The following NOTCH4 variants were observed in gnomAD, a reference collection of about 807,000 sequenced individuals.
NOTCH4 encodes the protein neurogenic locus notch homolog protein 4.
In NOTCH4, 138 loss-of-function variants were observed where a neutral mutation model predicts 189.0. The ratio of observed to expected loss-of-function variants is 0.73; its 90% confidence interval spans 0.64 to 0.84. The LOEUF is 0.84. Among genes scored for constraint, NOTCH4 ranks in the 40% least tolerant of loss-of-function variants. The probability of loss-of-function intolerance (pLI) is 0.00; values close to 1 mark genes in which losing one functional copy is unlikely to be tolerated. For synonymous variants in NOTCH4, 942 were observed against 1,032.8 expected, an observed-to-expected ratio of 0.91 and a Z score of 1.69; for missense variants, 2,286 against 2,605.4, an observed-to-expected ratio of 0.88 and a Z score of 2.67.
chr6:32,197,627 A>C (rs765856680), intron 26 of NOTCH4, 33 bp from the exon 27 acceptor site: 3 of 1,566,374 alleles, frequency 1.9e-6, no homozygotes, highest in Non-Finnish European at 2.6e-6. Flanking sequence ...GGTCAATCTA[A>C]AGGACACAAC....
Position 32,202,235 on chromosome 6 carries a change from T to C in NOTCH4, c.3596A>G (p.Asp1199Gly). 1 of 1,561,244 alleles carries C rather than the reference T, an allele frequency of 6.4e-7. No homozygotes were observed. The highest frequency in any genetic ancestry group is 1.4e-5 in the African/African-American group (1 of 73,502). Residue 1199 changes from aspartate to glycine, a missense_variant, in exon 21 of 30, where the codon GAT becomes GGT. By Grantham distance (94) the Asp-to-Gly change is moderately conservative. Coordinates refer to ENST00000375023, the MANE Select transcript of NOTCH4 (RefSeq NM_004557.4). The surrounding 1 kb of genome is among the most constrained non-coding windows in gnomAD (Gnocchi z 5.7). ...AGCSGPGGNW[D>G]GGDCSLGVPD... The stretch of plus-strand genomic sequence containing the variant: ...GACTCCCAGAGAGCAGTCCCCTCCA[T>C]CCCAGTTTCCTCCCGGGCCACTGCA...
At position 32,201,186 on chromosome 6, in the gene NOTCH4, G is replaced by C. The variant is rs138132429; in HGVS notation, c.4070C>G (p.Pro1357Arg). 6.8e-6 allele frequency: 11 copies of C among 1,612,920 alleles called. No individual in the cohort carries two copies. In the African/African-American group the frequency reaches 1.5e-4, roughly 21 times the overall value. Residue 1357 changes from proline to arginine, a missense_variant, in exon 22 of 30, where the codon CCC becomes CGC. By Grantham distance (103) the Pro-to-Arg change is moderately radical. Around this residue, in one of 2 missense-constraint regions of NOTCH4, gnomAD observed 1,903 missense variants for 2,261.9 expected, o/e 0.84. Transcript: ENST00000375023. This position sits in a 1 kb window ranked among gnomAD's most constrained non-coding sequence, Gnocchi z 5.5. ...AGGGGCTGCTCTCTCCTGATAGGTG[G>C]GGTCCCGAGTTCCTCCTAGCTTTTC... is the stretch of plus-strand genomic sequence containing the variant. ...AEEKLGGTRD[P>R]TYQERAAPQT...
chr6:32,214,068 G>T (rs770545789), intron 13 of NOTCH4, 42 bp downstream of exon 13: 7 of 1,577,978 alleles, frequency 4.4e-6, no homozygotes, highest in Non-Finnish European at 6.0e-6. Flanking sequence ...TGACATAGGG[G>T]GTGACCAGCA....
Position 32,197,580 on chromosome 6 carries a change from G to A in NOTCH4, c.4771C>T (p.Leu1591=). The A allele has an allele frequency of 6.2e-7, 1 of 1,611,172 alleles. No individual in the cohort carries two copies. Among genetic ancestry groups the A allele is most frequent in the Non-Finnish European group, 8.5e-7 (1 of 1,178,660 alleles). Residue 1591 remains leucine (L), a synonymous_variant, in exon 27 of 30, where the codon CTG becomes TTG. Transcript: ENST00000375023. ...DTRGPDGVTP[L]MSAVCCGEVQ... ...TCCCCACAGCAAACTGCTGACATCAGGGGTGTCACCCCATCTGTTGGTAAG... is the reference window on the plus strand; with the variant it reads ...TCCCCACAGCAAACTGCTGACATCAAGGGTGTCACCCCATCTGTTGGTAAG...
Position 32,199,011 on chromosome 6 carries a change from G to A in NOTCH4, c.4450C>T (p.Pro1484Ser), listed in dbSNP as rs2127463263. ...CGAGGCCGTCGAGTGAAACCAGGGG[G>A]CAGCCAGAGAGCTCCATGCTCTCGG... ...RRREHGALWL[P>S]PGFTRRPRTQ... Residue 1484 changes from proline (P) to serine (S), a missense_variant, in exon 24 of 30, where the codon CCC (proline) becomes TCC (serine). By Grantham distance (74) the Pro-to-Ser change is moderately conservative. Around this residue, in one of 2 missense-constraint regions of NOTCH4, gnomAD observed 1,903 missense variants for 2,261.9 expected, o/e 0.84. Coordinates refer to ENST00000375023, the MANE Select transcript of NOTCH4 (RefSeq NM_004557.4). This position sits in a 1 kb window ranked among gnomAD's most constrained non-coding sequence, Gnocchi z 4.9. 6.2e-7 allele frequency: 1 copy of A among 1,612,394 alleles called. No individual in the cohort carries two copies. Among genetic ancestry groups the A allele is most frequent in the Non-Finnish European group, 8.5e-7 (1 of 1,179,688 alleles).
Position 32,201,746 on chromosome 6 carries a change from G to C in NOTCH4, c.3756-246C>G, listed in dbSNP as rs761246122. On this transcript the variant is annotated intron_variant, in intron 21 of 29. Transcript: ENST00000375023. The surrounding 1 kb of genome is among the most constrained non-coding windows in gnomAD (Gnocchi z 5.5). ...CAAGCTCTCCTCTGTTTCTAAAGGAGAGTCCCAGGCCCTTTTCCCTCTGTG... is the reference window on the plus strand; with the variant it reads ...CAAGCTCTCCTCTGTTTCTAAAGGACAGTCCCAGGCCCTTTTCCCTCTGTG... 4.8e-6 allele frequency: 2 copies of C among 417,786 alleles called. No individual in the cohort carries two copies. Among genetic ancestry groups the C allele is most frequent in the Non-Finnish European group, 8.3e-6 (2 of 240,528 alleles). The allele number at this position is 417,786 out of a possible 1,614,324, so 25.9% of individuals were successfully genotyped here. A position where few individuals can be genotyped will look rare whatever the true frequency, so the allele number is the denominator to read the frequency against.
At position 32,196,317 on chromosome 6, in the gene NOTCH4, A is replaced by T; in HGVS notation, c.5298+7T>A. On this transcript the variant is annotated splice_region_variant and intron_variant, in intron 29 of 29. Coordinates refer to ENST00000375023, the MANE Select transcript of NOTCH4 (RefSeq NM_004557.4). The stretch of plus-strand genomic sequence containing the variant: ...TGTTTTGTGGGAAGCCCTCTGTCCC[A>T]TCTAACCCTGTTGTCCTGGGCATCT... The T allele has an allele frequency of 6.2e-7, 1 of 1,613,112 alleles. No homozygotes were observed. Among genetic ancestry groups the T allele is most frequent in the Non-Finnish European group, 8.5e-7 (1 of 1,180,038 alleles).
intron 18 of NOTCH4, among the ~76,000 whole-genome samples, chr6:32,206,001 C>T (rs183637555): frequency 1.3e-5 from 2 of 151,824 alleles, no homozygotes; most frequent in East Asian, 4.0e-4. Flanking sequence ...TGCACCACTA[C>T]ATTCCAGCCT....
At chr6:32,196,824 T>A in intron 28 of NOTCH4, 101 bp downstream of exon 28, 1 of 1,410,660 alleles carries the variant, frequency 7.1e-7, no homozygotes, top group South Asian at 1.2e-5. Flanking sequence ...AACAGCAGGA[T>A]GAGAGGGAAT....
chr6:32,223,168 T>C (rs1789901884), intron 1 of NOTCH4, 82 bp from the exon 2 acceptor site: 1 of 1,016,828 alleles, frequency 9.8e-7, no homozygotes, highest in Non-Finnish European at 1.6e-6. Context: ...CTGAGAGACC[T>C]GCCCACAGCA....
In NOTCH4 at chr6:32,202,275, C is replaced by T. The variant is rs2127467074; in HGVS notation, c.3556G>A (p.Ala1186Thr). The change falls in exon 21 of 30, where the codon GCC becomes ACC. Residue 1186 changes from alanine to threonine, a missense_variant. Physicochemically the swap from Ala to Thr is moderately conservative, Grantham distance 58 (BLOSUM62 0). Around this residue, in one of 2 missense-constraint regions of NOTCH4, gnomAD observed 1,903 missense variants for 2,261.9 expected, o/e 0.84. Coordinates refer to ENST00000375023, the MANE Select transcript of NOTCH4 (RefSeq NM_004557.4). This position sits in a 1 kb window ranked among gnomAD's most constrained non-coding sequence, Gnocchi z 5.7. ...KGCEGRSGDG[A>T]CDAGCSGPGG... ...GGGCCACTGCAGCCAGCATCGCAGG[C>T]CCCATCTCCACTTCTGCCCTCACAC... 6 of 1,596,138 alleles carry T rather than the reference C, an allele frequency of 3.8e-6. No individual in the cohort carries two copies. The highest frequency in any genetic ancestry group is 5.1e-6 in the Non-Finnish European group (6 of 1,167,804).
chr6:32,217,407 G>C lies in NOTCH4; in HGVS notation c.1625-141C>G, dbSNP rs985894788. On this transcript the variant is annotated intron_variant, in intron 9 of 29. Coordinates refer to ENST00000375023, the MANE Select transcript of NOTCH4 (RefSeq NM_004557.4). The surrounding 1 kb of genome is among the most constrained non-coding windows in gnomAD (Gnocchi z 4.2). ...GGGGCAGGTGAGCGTGGGGTGACAG[G>C]AGATGATGCAGAAAAGGTGAAGCTC... is the stretch of plus-strand genomic sequence containing the variant. The C allele has an allele frequency of 4.8e-6, 3 of 622,212 alleles. No individual in the cohort carries two copies. The African/African-American group carries it at 5.5e-5, about 11-fold the overall frequency. 38.5% of individuals were successfully genotyped at this position (622,212 alleles called of 1,614,324 possible).
intron 18 of NOTCH4, among the ~76,000 whole-genome samples, chr6:32,204,636 C>T (rs950794905): frequency 6.6e-6 from 1 of 152,230 alleles, no homozygotes; most frequent in Non-Finnish European, 1.5e-5. Context: ...TGCCACCAAA[C>T]ACAGCACCAT....
chr6:32,203,478 G>C (rs1002381828), intron 20 of NOTCH4: 6 of 452,066 alleles, frequency 1.3e-5, no homozygotes, highest in Admixed American at 4.0e-5. Flanking sequence ...AACACACACA[G>C]AGTTAAAATA....
chr6:32,222,403 G>A, intron 3 of NOTCH4, 108 bp downstream of exon 3: 2 of 995,138 alleles, frequency 2.0e-6, no homozygotes, highest in Non-Finnish European at 2.8e-6. Context: ...CATGGCTTCT[G>A]TCTTCAAAGG....
rs907976863 is a variant in NOTCH4, at chr6:32,213,698, G to A, written c.2310C>T (p.Tyr770=). Residue 770 remains tyrosine, a synonymous_variant, in exon 14 of 30, where the codon TAC becomes TAT. Transcript: ENST00000375023. ...TGPQCQTSTD[Y]CVSAPCFNGG... is the part of the protein sequence containing the mutation. Reference sequence around the variant, plus strand: ...ACAGTGGGCACTCACCAGACACACAGTAGTCAGTGCTGGTTTGGCACTGGG... The same window carrying A: ...ACAGTGGGCACTCACCAGACACACAATAGTCAGTGCTGGTTTGGCACTGGG... The A allele has an allele frequency of 6.2e-7, 1 of 1,612,976 alleles. No homozygotes were observed. The highest frequency in any genetic ancestry group is 1.7e-5 in the Admixed American group (1 of 60,016).
intron 18 of NOTCH4, 105 bp from the exon 19 acceptor site, chr6:32,204,494 A>C: frequency 1.3e-4 from 169 of 1,255,974 alleles, no homozygotes; most frequent in Non-Finnish European, 1.7e-4. Flanking sequence ...CTTCCAGCTC[A>C]ACAGCATCAC....
rs1788431777 is a variant in NOTCH4, at chr6:32,202,670, T to C, written c.3232-71A>G. 1 of 1,417,264 alleles carries C rather than the reference T, an allele frequency of 7.1e-7. No individual in the cohort carries two copies. The highest frequency in any genetic ancestry group is 9.4e-7 in the Non-Finnish European group (1 of 1,064,428). The allele number at this position is 1,417,264 out of a possible 1,614,324, so 87.8% of individuals were successfully genotyped here. On this transcript the variant is annotated intron_variant, in intron 20 of 29. Transcript: ENST00000375023. The surrounding 1 kb of genome is among the most constrained non-coding windows in gnomAD (Gnocchi z 5.7). The stretch of plus-strand genomic sequence containing the variant: ...TTCCCGCTCTCCATCAAGCAAACTC[T>C]TGGGTTAAGACGGTGCAGAGGGTCC...
At chr6:32,197,249 T>C in intron 27 of NOTCH4, 50 bp downstream of exon 27, 1 of 1,514,412 alleles carries the variant, frequency 6.6e-7, no homozygotes, top group Non-Finnish European at 8.8e-7. Flanking sequence ...CTGTCCAGCT[T>C]TACTTGTAAG....
Sources: allele counts gnomAD v4.1 joint callset (sites outside exome capture counted in the v4.1 genomes callset), GRCh38; gene constraint gnomAD v4.1.1; regional missense constraint gnomAD v4.1.1; non-coding constraint Gnocchi (gnomAD v3.1); transcripts MANE v1.5; gene names NCBI Gene and HGNC (gene_info 2026-07-23, HGNC 2026-07-21).